Variants in ERICH1 observed in about 807,000 individuals in gnomAD.
The protein encoded by ERICH1 is glutamate-rich protein 1.
ERICH1 carries 56 observed loss-of-function variants against 39.6 expected under a neutral mutation model. That is an observed-to-expected ratio of 1.41 (90% CI 1.14 to 1.77). ERICH1 has a LOEUF of 1.77. Ranked by LOEUF, ERICH1 falls within the 40% of genes most tolerant of loss-of-function variation. The probability of loss-of-function intolerance (pLI) is 0.00; values close to 1 mark genes in which losing one functional copy is unlikely to be tolerated. For synonymous variants in ERICH1, 313 were observed against 223.6 expected, an observed-to-expected ratio of 1.40 and a Z score of -3.57; for missense variants, 826 against 575.4, an observed-to-expected ratio of 1.44 and a Z score of -4.45.
chr8:662,087 A>G (rs1585103237), downstream of ERICH1, among the ~76,000 whole-genome samples: 2 of 151,840 alleles, frequency 1.3e-5, no homozygotes, highest in Non-Finnish European at 1.5e-5. Flanking sequence ...AATGGCAGGG[A>G]TTCTGTGGAA....
chr8:700,000 GGCGCACAGA>G (rs1811504470), intron 2 of ERICH1, among the ~76,000 whole-genome samples: 5 of 66,208 alleles, frequency 7.6e-5, no homozygotes, highest in Non-Finnish European at 9.8e-5. Flanking sequence ...GACCCTCACA[GGCGCACAGA>G]CCCGCACACG....
chr8:700,069 A>T, intron 2 of ERICH1, among the ~76,000 whole-genome samples: 1 of 135,152 alleles, frequency 7.4e-6, no homozygotes, highest in Middle Eastern at 5.4e-3. Context: ...ACAGGCCCTC[A>T]CAGGCGCACA....
chr8:661,657 T>C (rs1369886793), downstream of ERICH1, among the ~76,000 whole-genome samples: 1 of 152,256 alleles, frequency 6.6e-6, no homozygotes, highest in Admixed American at 6.5e-5. Context: ...CAGATTATCA[T>C]ATCTATGCTG....
At chr8:631,575 C>A (rs909170505) in intron 3 of ERICH1, among the ~76,000 whole-genome samples, 2 of 152,122 alleles carry the variant, frequency 1.3e-5, no homozygotes, top group African/African-American at 4.8e-5. Flanking sequence ...GGTCTCTCCT[C>A]CCACAATAGA....
chr8:703,218 C>T lies in ERICH1; in HGVS notation c.170-10606G>A, dbSNP rs1563306888. On this transcript the variant is annotated intron_variant, in intron 2 of 5. Transcript: ENST00000262109. ...GAACCCATCCTATCTGTTAATGGCA[C>T]GTCAGTAAGATACAGATGAAGGTGC... Among the ~76,000 whole-genome samples the T allele has an allele frequency of 3.9e-5, 6 of 152,136 alleles. No individual in the cohort carries two copies. The South Asian group carries it at 1.2e-3, about 31-fold the overall frequency.
intron 3 of ERICH1, among the ~76,000 whole-genome samples, chr8:632,539 A>G (rs1798108412): frequency 6.6e-6 from 1 of 152,234 alleles, no homozygotes; most frequent in Non-Finnish European, 1.5e-5. Context: ...GACAGTGACT[A>G]CTAGAATAGA....
chr8:652,393 G>C (rs1174556419), intron 3 of ERICH1, among the ~76,000 whole-genome samples: 1 of 152,242 alleles, frequency 6.6e-6, no homozygotes, highest in Non-Finnish European at 1.5e-5. Flanking sequence ...GAGCCCGACC[G>C]TTGTTGGCTG....
intron 3 of ERICH1, among the ~76,000 whole-genome samples, chr8:628,080 C>A (rs1797703422): frequency 1.3e-5 from 2 of 152,196 alleles, no homozygotes. Context: ...TCTCTCTGAC[C>A]CTGCCCGAGA....
chr8:707,528 G>A (rs1813586139), intron 2 of ERICH1, among the ~76,000 whole-genome samples: 1 of 152,090 alleles, frequency 6.6e-6, no homozygotes, highest in Non-Finnish European at 1.5e-5. Flanking sequence ...TTCAATGAGT[G>A]CTAAGTCCAC....
chr8:692,545 G>A lies in ERICH1; in HGVS notation c.237C>T (p.Val79=), dbSNP rs758559622. 6.2e-7 allele frequency: 1 copy of A among 1,613,742 alleles called. No homozygotes were observed. The highest frequency in any genetic ancestry group is 1.1e-5 in the South Asian group (1 of 91,056). ...AGCTGCTGGGCTCCGGCCAACAGGG[G>A]ACGTAGCCCTCAGGAGGCCCGCTGG... ...YTASGPPEGY[V]PCWPEPSSCG... Residue 79 remains valine, a synonymous_variant, in exon 3 of 6, where the codon GTC becomes GTT. Coordinates refer to ENST00000262109, the MANE Select transcript of ERICH1 (RefSeq NM_207332.3).
At chr8:711,775 G>C (rs1053486097) in intron 2 of ERICH1, among the ~76,000 whole-genome samples, 1 of 152,162 alleles carries the variant, frequency 6.6e-6, no homozygotes, top group Non-Finnish European at 1.5e-5. Flanking sequence ...GGGATTATAG[G>C]TGTGATCCAC....
Position 673,287 on chromosome 8 carries a change from A to C in ERICH1, c.1063+2T>G. 1 of 1,595,602 alleles carries C rather than the reference A, an allele frequency of 6.3e-7. No individual in the cohort carries two copies. Among genetic ancestry groups the C allele is most frequent in the Non-Finnish European group, 8.6e-7 (1 of 1,166,512 alleles). ...GCAAGAGAAAAACAGTAAAAAACAT[A>C]CCGTCATAAAAATACATTTCCTGTG... On this transcript the variant is annotated splice_donor_variant, in intron 4 of 5. Transcript: ENST00000262109. LOFTEE classifies it high-confidence loss of function.
At chr8:674,590 C>G (rs1250421020) in intron 3 of ERICH1, among the ~76,000 whole-genome samples, 1 of 152,222 alleles carries the variant, frequency 6.6e-6, no homozygotes, top group Non-Finnish European at 1.5e-5. Flanking sequence ...AGGAATGAGC[C>G]ATTGCGCCTG....
chr8:650,809 G>C (rs978993549), intron 3 of ERICH1, among the ~76,000 whole-genome samples: 2 of 152,252 alleles, frequency 1.3e-5, no homozygotes, highest in Non-Finnish European at 1.5e-5. Flanking sequence ...GCCAGAGCAA[G>C]GGGCTGCAGC....
chr8:635,730 T>G (rs34983919), intron 3 of ERICH1, among the ~76,000 whole-genome samples: 34,383 of 152,130 alleles, frequency 0.23, 4,016 homozygotes, highest in Middle Eastern at 0.34. Context: ...GTGAGCACAC[T>G]TGTCACCATC....
intron 2 of ERICH1, among the ~76,000 whole-genome samples, chr8:710,610 A>G (rs1439848638): frequency 6.6e-6 from 1 of 152,236 alleles, no homozygotes; most frequent in Non-Finnish European, 1.5e-5. Context: ...ACAGTGTTAC[A>G]GAGTTGGAAT....
intron 4 of ERICH1, 65 bp from the exon 5 acceptor site, chr8:668,857 C>A (rs1802712186): frequency 3.5e-6 from 5 of 1,444,542 alleles, no homozygotes; most frequent in Non-Finnish European, 4.6e-6. Context: ...TAAAGATAAG[C>A]TTTCCTCTCT....
intron 3 of ERICH1, among the ~76,000 whole-genome samples, chr8:674,296 CTTTTTT>C (rs11372589): frequency 3.1e-4 from 34 of 109,812 alleles, no homozygotes; most frequent in South Asian, 6.8e-4. Flanking sequence ...CAAGTTGTTG[CTTTTTT>C]TTTTTTTTTT....
rs558360363 is a variant in ERICH1, at chr8:731,188, C to T, written c.-27G>A. ...CGGGACCCTGCCGCGGACCTCAGAC[C>T]ACGGCGCGCGGTCCTGAGCTGAGCG... On this transcript the variant is annotated 5_prime_UTR_variant, in exon 1 of 6. Transcript: ENST00000262109. The T allele has an allele frequency of 1.9e-4, 283 of 1,496,188 alleles. 5 individuals carry two copies. The South Asian group carries it at 3.3e-3, about 18-fold the overall frequency. The allele number at this position is 1,496,188 out of a possible 1,614,324, so 92.7% of individuals were successfully genotyped here.
Sources: allele counts gnomAD v4.1 joint callset (sites outside exome capture counted in the v4.1 genomes callset), GRCh38; gene constraint gnomAD v4.1.1; transcripts MANE v1.5; gene names NCBI Gene and HGNC (gene_info 2026-07-23, HGNC 2026-07-21).